The following LAMA2 variants were observed in gnomAD, a reference collection of about 807,000 sequenced individuals.
LAMA2 encodes laminin subunit alpha-2.
A neutral mutation model predicts 364.8 loss-of-function variants in LAMA2; 269 were observed. That is an observed-to-expected ratio of 0.74 (90% confidence interval 0.67 to 0.82). LAMA2 has a LOEUF of 0.82. Among genes scored for constraint, LAMA2 ranks in the 40% least tolerant of loss-of-function variants. The probability of loss-of-function intolerance (pLI) is 0.00; values close to 1 mark genes in which losing one functional copy is unlikely to be tolerated. For synonymous variants in LAMA2, 1,379 were observed against 1,370.6 expected, an observed-to-expected ratio of 1.01 and a Z score of -0.14; for missense variants, 3,807 against 3,873.2, an observed-to-expected ratio of 0.98 and a Z score of 0.45.
At chr6:128,897,734 C>T (rs1232148368) in intron 1 of LAMA2, among the ~76,000 whole-genome samples, 2 of 152,144 alleles carry the variant, frequency 1.3e-5, no homozygotes, top group African/African-American at 4.8e-5. Flanking sequence ...GATCAAAGAT[C>T]TTGTAATTCT....
chr6:129,315,172 C>T (rs985754626), intron 24 of LAMA2, among the ~76,000 whole-genome samples: 14 of 152,170 alleles, frequency 9.2e-5, no homozygotes, highest in Non-Finnish European at 1.5e-4. Flanking sequence ...CTTAGGCAAT[C>T]ATGATTTTTG....
At chr6:129,171,482 T>G (rs989853335) in intron 9 of LAMA2, among the ~76,000 whole-genome samples, 26 of 152,248 alleles carry the variant, frequency 1.7e-4, no homozygotes, top group African/African-American at 5.8e-4. Context: ...TTCTTTTCTT[T>G]AAGAATGTTG....
intron 48 of LAMA2, among the ~76,000 whole-genome samples, chr6:129,457,111 C>T (rs1783007783): frequency 6.6e-6 from 1 of 152,044 alleles, no homozygotes; most frequent in Non-Finnish European, 1.5e-5. Flanking sequence ...GGAGCACAAC[C>T]AAATATAATG....
rs746387141 is a variant in LAMA2, at chr6:129,143,867, A to G, written c.640-34A>G. On this transcript the variant is annotated intron_variant, in intron 4 of 64. Transcript: ENST00000421865. ...AAAATCAATATTTAAATTTTGGAAA[A>G]CATAATTGTTAAATTATTTTTCATA... is the stretch of plus-strand genomic sequence containing the variant. 25 of 1,468,272 alleles carry G rather than the reference A, an allele frequency of 1.7e-5. No individual in the cohort carries two copies. The African/African-American group carries it at 3.4e-4, about 20-fold the overall frequency. 91.0% of individuals were successfully genotyped at this position (1,468,272 alleles called of 1,614,324 possible).
intron 5 of LAMA2, among the ~76,000 whole-genome samples, chr6:129,144,784 A>G (rs1241174431): frequency 6.6e-6 from 1 of 152,034 alleles, no homozygotes; most frequent in Non-Finnish European, 1.5e-5. Context: ...CAAATAAAAT[A>G]TTAGGGGAAA....
At chr6:128,997,477 A>T (rs545232363) in intron 1 of LAMA2, among the ~76,000 whole-genome samples, 1 of 152,280 alleles carries the variant, frequency 6.6e-6, no homozygotes, top group East Asian at 1.9e-4. Context: ...AATTGAAGAC[A>T]CAAACTGGCT....
At chr6:129,250,534 C>A (rs551408833) in intron 13 of LAMA2, among the ~76,000 whole-genome samples, 1 of 152,124 alleles carries the variant, frequency 6.6e-6, no homozygotes, top group African/African-American at 2.4e-5. Flanking sequence ...TGTGTTTTTC[C>A]TGTTTTCTCT....
chr6:128,938,343 TTAAC>T (rs969386892), intron 1 of LAMA2, among the ~76,000 whole-genome samples: 4 of 151,986 alleles, frequency 2.6e-5, no homozygotes, highest in African/African-American at 7.3e-5. Context: ...ATTTTTATGA[TTAAC>T]TAATGTTTTA....
chr6:129,274,388 C>T (rs915950270), intron 17 of LAMA2, among the ~76,000 whole-genome samples: 30 of 150,786 alleles, frequency 2.0e-4, no homozygotes, highest in South Asian at 4.2e-4. Context: ...ATCCTGAAGA[C>T]GAGATTTTAA....
intron 1 of LAMA2, among the ~76,000 whole-genome samples, chr6:128,902,534 T>C (rs1383082741): frequency 2.0e-5 from 3 of 152,138 alleles, no homozygotes; most frequent in Non-Finnish European, 4.4e-5. Context: ...CATTATGACA[T>C]GTGGGGCCAA....
At chr6:129,490,106 GA>G (rs1784786173) in intron 56 of LAMA2, among the ~76,000 whole-genome samples, 1 of 152,132 alleles carries the variant, frequency 6.6e-6, no homozygotes, top group South Asian at 2.1e-4. Context: ...AAAAACTAAA[GA>G]AATGATCTAG....
At chr6:129,348,425 A>G (rs931783021) in intron 30 of LAMA2, among the ~76,000 whole-genome samples, 2 of 152,196 alleles carry the variant, frequency 1.3e-5, no homozygotes, top group African/African-American at 4.8e-5. Context: ...TGCCACAGAT[A>G]CATGTTTTTA....
rs1773392849 is a variant in LAMA2 at position 129,299,192 on chromosome 6, T to TGA, written c.3037+1328_3037+1329dup. Among the ~76,000 whole-genome samples, 3 of 151,886 alleles carry TGA rather than the reference T, an allele frequency of 2.0e-5. No homozygotes were observed. The South Asian group carries it at 6.2e-4, about 31-fold the overall frequency. On this transcript the variant is annotated intron_variant, in intron 21 of 64. Coordinates refer to ENST00000421865, the MANE Select transcript of LAMA2 (RefSeq NM_000426.4). Reference sequence around the variant, plus strand: ...AAGAATAGTAATATGACTGAGGACATGACTTGCACAAAATAGCCTGGATTT... The same window carrying TGA: ...AAGAATAGTAATATGACTGAGGACATGAGACTTGCACAAAATAGCCTGGATTT...
chr6:129,233,408 C>T (rs1250367654), intron 12 of LAMA2, among the ~76,000 whole-genome samples: 4 of 152,000 alleles, frequency 2.6e-5, no homozygotes, highest in Non-Finnish European at 4.4e-5. Context: ...TGAACAGAAG[C>T]CTTACTGATA....
intron 12 of LAMA2, among the ~76,000 whole-genome samples, chr6:129,205,602 C>T (rs1782588353): frequency 6.6e-6 from 1 of 151,200 alleles, no homozygotes; most frequent in South Asian, 2.1e-4. Flanking sequence ...CACAAAGCTG[C>T]CAATCACTGA....
chr6:129,031,646 A>ACATTATT (rs1204771807), intron 1 of LAMA2, among the ~76,000 whole-genome samples: 2 of 152,216 alleles, frequency 1.3e-5, no homozygotes, highest in Non-Finnish European at 2.9e-5. Flanking sequence ...TTTGATGCTA[A>ACATTATT]CATTATTTCT....
chr6:129,487,506 A>G lies in LAMA2; in HGVS notation c.7898+884A>G, dbSNP rs1160788772. 3.3e-5 allele frequency among the ~76,000 whole-genome samples: 5 copies of G among 152,320 alleles called. No homozygotes were observed. The South Asian group carries it at 8.3e-4, about 25-fold the overall frequency. ...GACATAGAAAAGAACTGGAAATCCA[A>G]TTTGATGAGGCCTCAAAACACAGAG... is the stretch of plus-strand genomic sequence containing the variant. On this transcript the variant is annotated intron_variant, in intron 56 of 64. Coordinates refer to ENST00000421865, the MANE Select transcript of LAMA2 (RefSeq NM_000426.4).
intron 34 of LAMA2, among the ~76,000 whole-genome samples, chr6:129,382,898 A>G (rs576135295): frequency 6.6e-6 from 1 of 152,360 alleles, no homozygotes; most frequent in Non-Finnish European, 1.5e-5. Context: ...AGCGTTTTTT[A>G]AAAGACCAAA....
chr6:129,443,023 A>AC, intron 43 of LAMA2, 40 bp from the exon 44 acceptor site: 1 of 1,502,178 alleles, frequency 6.7e-7, no homozygotes, highest in African/African-American at 1.4e-5. Flanking sequence ...ATGAATTTAT[A>AC]ATTTTTTTTT....
Sources: gnomAD v4.1 joint callset for allele counts (sites outside exome capture counted in the v4.1 genomes callset) on GRCh38, gnomAD v4.1.1 for gene constraint, MANE v1.5 for transcripts, NCBI Gene and HGNC (gene_info 2026-07-23, HGNC 2026-07-21) for gene names.